Variants in MAP4K3 observed in about 807,000 individuals in gnomAD.
The protein encoded by MAP4K3 is mitogen-activated protein kinase kinase kinase kinase 3, also known as MAPK/ERK kinase kinase kinase 3.
Under a neutral mutation model 143.5 loss-of-function variants are expected in MAP4K3, and 94 were observed. The ratio of observed to expected loss-of-function variants is 0.65; its 90% CI spans 0.55 to 0.78. The LOEUF is 0.78. Among genes scored for constraint, MAP4K3 ranks in the 30% least tolerant of loss-of-function variants. The pLI is 0.00. For missense variants in MAP4K3, 1,077 were observed against 1,068.1 expected (o/e 1.01, Z -0.12); for synonymous variants, 416 against 347.2 (o/e 1.20, Z -2.20).
chr2:39,342,088 T>G (rs75903204), intron 4 of MAP4K3, among the ~76,000 whole-genome samples: 1,576 of 150,532 alleles, frequency 0.01, 34 homozygotes, highest in African/African-American at 0.035. Flanking sequence ...TCTCTGAAAA[T>G]GCACTTCTTT....
At chr2:39,315,207 G>C in intron 13 of MAP4K3, 103 bp downstream of exon 13, 1 of 708,180 alleles carries the variant, frequency 1.4e-6, no homozygotes, top group Non-Finnish European at 2.2e-6. Flanking sequence ...ACAGTGTTTA[G>C]TAAGAAAAAC....
chr2:39,370,941 T>C (rs1666064634), intron 2 of MAP4K3, among the ~76,000 whole-genome samples: 1 of 152,128 alleles, frequency 6.6e-6, no homozygotes, highest in African/African-American at 2.4e-5. Context: ...AACTTGAAAA[T>C]AAAGCCCCAA....
At chr2:39,393,074 C>T (rs1666711817) in intron 1 of MAP4K3, among the ~76,000 whole-genome samples, 1 of 152,212 alleles carries the variant, frequency 6.6e-6, no homozygotes, top group Non-Finnish European at 1.5e-5. Flanking sequence ...TTCTCCTTCT[C>T]TCTCATCAGG....
chr2:39,370,963 A>G (rs1666065486), intron 2 of MAP4K3, among the ~76,000 whole-genome samples: 2 of 152,306 alleles, frequency 1.3e-5, no homozygotes, highest in African/African-American at 2.4e-5. Context: ...GAATATATAT[A>G]TAAATTCTAT....
At chr2:39,342,588 T>C (rs917469093) in intron 4 of MAP4K3, among the ~76,000 whole-genome samples, 3 of 152,194 alleles carry the variant, frequency 2.0e-5, no homozygotes, top group Non-Finnish European at 2.9e-5. Flanking sequence ...ATGTCAATCT[T>C]TATGTTAAGT....
chr2:39,316,745 C>T (rs1194121451), intron 12 of MAP4K3, among the ~76,000 whole-genome samples: 2 of 152,168 alleles, frequency 1.3e-5, no homozygotes, highest in South Asian at 2.1e-4. Flanking sequence ...ATCTCTAAAA[C>T]GGTATTACAT....
intron 1 of MAP4K3, among the ~76,000 whole-genome samples, chr2:39,413,181 G>C (rs1667276372): frequency 6.6e-6 from 1 of 152,152 alleles, no homozygotes. Flanking sequence ...TAGAGAGTCA[G>C]GCTAAATTCC....
At chr2:39,312,677 A>G (rs1267669751) in intron 13 of MAP4K3, among the ~76,000 whole-genome samples, 1 of 152,190 alleles carries the variant, frequency 6.6e-6, no homozygotes, top group Non-Finnish European at 1.5e-5. Context: ...CTTAGATCTG[A>G]TAAGTAGGTT....
At chr2:39,317,139 C>T (rs934570341) in intron 12 of MAP4K3, among the ~76,000 whole-genome samples, 1 of 151,990 alleles carries the variant, frequency 6.6e-6, no homozygotes, top group Non-Finnish European at 1.5e-5. Context: ...TTCGACAAAC[C>T]TGACAAAAAG....
At chr2:39,361,323 C>G (rs1665764321) in intron 2 of MAP4K3, among the ~76,000 whole-genome samples, 1 of 151,966 alleles carries the variant, frequency 6.6e-6, no homozygotes, top group Non-Finnish European at 1.5e-5. Context: ...TATTTTTCCC[C>G]ATGTACCACA....
rs937720304 is a variant in MAP4K3 at position 39,278,631 on chromosome 2, G to A, written c.1715-145C>T. 7 of 548,296 alleles carry A rather than the reference G, an allele frequency of 1.3e-5. No individual in the cohort carries two copies. In the South Asian group the frequency reaches 1.5e-4, roughly 11 times the overall value. The allele number at this position is 548,296 out of a possible 1,614,324, so 34.0% of individuals were successfully genotyped here. A position where few individuals can be genotyped will look rare whatever the true frequency, so the allele number is the denominator to read the frequency against. On this transcript the variant is annotated intron_variant, in intron 23 of 33. Transcript: ENST00000263881. ...ATAAGCAGTGAATACAAAGAGGTTA[G>A]ACACTTTAGACCCATAAACTGAATT...
At position 39,330,294 on chromosome 2, in the gene MAP4K3, T is replaced by C. The variant is rs932452807; in HGVS notation, c.530+1623A>G. On this transcript the variant is annotated intron_variant, in intron 8 of 33. Coordinates refer to ENST00000263881, the MANE Select transcript of MAP4K3 (RefSeq NM_003618.4). Reference sequence around the variant, plus strand: ...GTTACATTCAATAGATCATAGATAATGGTATCACACCATGGGCACCACAGA... The same window carrying C: ...GTTACATTCAATAGATCATAGATAACGGTATCACACCATGGGCACCACAGA... Among the ~76,000 whole-genome samples, 4 of 152,178 alleles carry C rather than the reference T, an allele frequency of 2.6e-5. 1 individual carries two copies. The highest frequency in any genetic ancestry group is 2.6e-4 in the Admixed American group (4 of 15,272).
chr2:39,435,462 G>C (rs528538594), intron 1 of MAP4K3, among the ~76,000 whole-genome samples: 1 of 152,046 alleles, frequency 6.6e-6, no homozygotes, highest in Non-Finnish European at 1.5e-5. Context: ...CCTATCTGGC[G>C]TAATCCCCTC....
In MAP4K3 at chr2:39,340,488, A is replaced by C. The variant is rs1665107833; in HGVS notation, c.310+2900T>G. 2.0e-5 allele frequency among the ~76,000 whole-genome samples: 3 copies of C among 152,332 alleles called. No individual in the cohort carries two copies. In the South Asian group the frequency reaches 6.2e-4, roughly 32 times the overall value. On this transcript the variant is annotated intron_variant, in intron 4 of 33. Transcript: ENST00000263881. ...AGCCAGTTGCTGACCAGTATAAATA[A>C]ATCAGTATTGACGAATTCATATTAC...
In MAP4K3 at chr2:39,250,320, T is replaced by A. The variant is rs1573051574; in HGVS notation, c.*298A>T. ...CACTTACTTGTACATCTCATAAAAG[T>A]ACATTATCTACATAAATTCTTAGTG... On this transcript the variant is annotated 3_prime_UTR_variant, in exon 34 of 34. Coordinates refer to ENST00000263881, the MANE Select transcript of MAP4K3 (RefSeq NM_003618.4). 1 of 268,084 alleles carries A rather than the reference T, an allele frequency of 3.7e-6. No homozygotes were observed. The highest frequency in any genetic ancestry group is 1.2e-3 in the Middle Eastern group (1 of 806). 16.6% of individuals were successfully genotyped at this position (268,084 alleles called of 1,614,324 possible). A position where few individuals can be genotyped will look rare whatever the true frequency, so the allele number is the denominator to read the frequency against.
intron 1 of MAP4K3, among the ~76,000 whole-genome samples, chr2:39,400,061 T>G (rs987038040): frequency 2.0e-5 from 3 of 152,152 alleles, no homozygotes; most frequent in Non-Finnish European, 4.4e-5. Flanking sequence ...CCGACATCCA[T>G]GTACCTCAAA....
At chr2:39,356,556 C>A (rs1056828134) in intron 2 of MAP4K3, among the ~76,000 whole-genome samples, 20 of 152,190 alleles carry the variant, frequency 1.3e-4, no homozygotes, top group African/African-American at 4.8e-4. Context: ...AGCATGAACT[C>A]TGGTCCCAGA....
At chr2:39,261,308 C>T (rs527402775) in intron 28 of MAP4K3, among the ~76,000 whole-genome samples, 1 of 119,442 alleles carries the variant, frequency 8.4e-6, no homozygotes, top group East Asian at 2.5e-4. Context: ...AGTTATAATA[C>T]AACCCATTTT....
intron 28 of MAP4K3, 117 bp from the exon 29 acceptor site, chr2:39,260,894 G>A (rs1246515605): frequency 2.9e-6 from 2 of 684,968 alleles, no homozygotes; most frequent in African/African-American, 1.8e-5. Context: ...AGAAATTCAG[G>A]TAATGCAGAA....
Sources: allele counts gnomAD v4.1 joint callset (sites outside exome capture counted in the v4.1 genomes callset), GRCh38; gene constraint gnomAD v4.1.1; transcripts MANE v1.5; gene names NCBI Gene and HGNC (gene_info 2026-07-23, HGNC 2026-07-21).